The following GNA14 variants were observed in gnomAD, a reference collection of about 807,000 sequenced individuals.
GNA14 encodes the protein guanine nucleotide-binding protein subunit alpha-14.
GNA14 carries 50 observed loss-of-function variants against 42.0 expected under a neutral mutation model. The ratio of observed to expected loss-of-function variants is 1.19; its 90% CI spans 0.95 to 1.51. The LOEUF is 1.51. Ranked by LOEUF, GNA14 falls within the 40% of genes most tolerant of loss-of-function variation. GNA14 has a pLI of 0.00. For synonymous variants in GNA14, 173 were observed against 163.1 expected, an observed-to-expected ratio of 1.06 and a Z score of -0.46; for missense variants, 473 against 446.2, an observed-to-expected ratio of 1.06 and a Z score of -0.54.
chr9:77,428,844 T>G, intron 5 of GNA14, 63 bp downstream of exon 5: 2 of 1,563,982 alleles, frequency 1.3e-6, no homozygotes, highest in South Asian at 1.2e-5. Context: ...CCCGGCTGCC[T>G]TCTTAGAAAC....
intron 2 of GNA14, among the ~76,000 whole-genome samples, chr9:77,471,241 T>C (rs1380005257): frequency 6.6e-6 from 1 of 152,162 alleles, no homozygotes; most frequent in South Asian, 2.1e-4. Context: ...TGCTATGGAA[T>C]CTGGGCTCAA....
intron 1 of GNA14, among the ~76,000 whole-genome samples, chr9:77,568,384 C>T (rs1314851270): frequency 2.6e-5 from 4 of 151,348 alleles, no homozygotes; most frequent in Non-Finnish European, 5.9e-5. Flanking sequence ...CCCAGCTACT[C>T]GGGAGGCTGA....
chr9:77,593,334 C>CTTTTTTTTT (rs59975831), intron 1 of GNA14, among the ~76,000 whole-genome samples: 7,983 of 142,640 alleles, frequency 0.056, 933 homozygotes, highest in African/African-American at 0.2. Flanking sequence ...CCTAACATTC[C>CTTTTTTTTT]TTTTTTTTTT....
intron 1 of GNA14, among the ~76,000 whole-genome samples, chr9:77,551,789 G>A (rs574745749): frequency 1.3e-5 from 2 of 151,936 alleles, no homozygotes; most frequent in South Asian, 4.2e-4. Context: ...TGGCTCATTT[G>A]GTAGAAATCA....
chr9:77,617,249 AG>A (rs1823838127), intron 1 of GNA14, among the ~76,000 whole-genome samples: 1 of 152,126 alleles, frequency 6.6e-6, no homozygotes, highest in Non-Finnish European at 1.5e-5. Flanking sequence ...GTCTAAAAAC[AG>A]AACTGTTTGT....
rs547512787 is a variant in GNA14 at position 77,454,242 on chromosome 9, T to C, written c.310-19720A>G. 1.1e-3 allele frequency among the ~76,000 whole-genome samples: 174 copies of C among 152,314 alleles called. 1 individual carries two copies. Among genetic ancestry groups the C allele is most frequent in the Middle Eastern group, 0.01 (3 of 294 alleles). ...TTTCTTACAAAAGTGACTTCCCCTTTCCTCTAACACTAAGACATAAAGGAG... is the reference window on the plus strand; with the variant it reads ...TTTCTTACAAAAGTGACTTCCCCTTCCCTCTAACACTAAGACATAAAGGAG... On this transcript the variant is annotated intron_variant, in intron 2 of 6. Transcript: ENST00000341700.
chr9:77,561,949 G>C (rs796709695), intron 1 of GNA14, among the ~76,000 whole-genome samples: 5 of 152,194 alleles, frequency 3.3e-5, no homozygotes, highest in African/African-American at 1.2e-4. Flanking sequence ...CTCCTCTTTT[G>C]CTTCACTTCA....
chr9:77,476,762 T>C (rs992100453), intron 2 of GNA14, among the ~76,000 whole-genome samples: 42 of 152,134 alleles, frequency 2.8e-4, no homozygotes, highest in Non-Finnish European at 8.8e-5. Context: ...GATGAGTGAG[T>C]ACATAGCACT....
intron 1 of GNA14, among the ~76,000 whole-genome samples, chr9:77,588,682 T>C (rs1055828810): frequency 3.3e-5 from 5 of 152,198 alleles, no homozygotes; most frequent in African/African-American, 1.2e-4. Flanking sequence ...TTAGCACACA[T>C]AGCATAAAAG....
At position 77,433,512 on chromosome 9, in the gene GNA14, G is replaced by A. The variant is rs560664066; in HGVS notation, c.464+856C>T. On this transcript the variant is annotated intron_variant, in intron 3 of 6. Transcript: ENST00000341700. Reference sequence around the variant, plus strand: ...AGACATCCTCCCGCCTCAGCCTCCCGAGCAGCTGCCCAGCTAATTTTTGTA... The same window carrying A: ...AGACATCCTCCCGCCTCAGCCTCCCAAGCAGCTGCCCAGCTAATTTTTGTA... Among the ~76,000 whole-genome samples the A allele has an allele frequency of 5.9e-5, 9 of 151,760 alleles. No homozygotes were observed. The South Asian group carries it at 6.3e-4, about 11-fold the overall frequency.
chr9:77,459,336 C>T (rs886580012), intron 2 of GNA14, among the ~76,000 whole-genome samples: 23 of 152,302 alleles, frequency 1.5e-4, no homozygotes, highest in Admixed American at 1.1e-3. Flanking sequence ...GATTGTCTTA[C>T]TGTAAGATTG....
chr9:77,487,028 A>T (rs906464489), intron 2 of GNA14, among the ~76,000 whole-genome samples: 56 of 152,200 alleles, frequency 3.7e-4, no homozygotes, highest in African/African-American at 1.3e-3. Flanking sequence ...TAAAAAAAAA[A>T]AAAAGGCAAT....
intron 1 of GNA14, among the ~76,000 whole-genome samples, chr9:77,531,836 G>C (rs1837533319): frequency 6.6e-6 from 1 of 152,142 alleles, no homozygotes; most frequent in Admixed American, 6.5e-5. Context: ...TTTTATTTCA[G>C]ACATGGAGTA....
At chr9:77,606,708 A>G (rs986340335) in intron 1 of GNA14, among the ~76,000 whole-genome samples, 2 of 152,126 alleles carry the variant, frequency 1.3e-5, no homozygotes, top group African/African-American at 4.8e-5. Context: ...TGTGAAAGGA[A>G]AAAAAGGTGT....
At chr9:77,584,112 A>C (rs1823265732) in intron 1 of GNA14, among the ~76,000 whole-genome samples, 1 of 152,216 alleles carries the variant, frequency 6.6e-6, no homozygotes. Flanking sequence ...AGAGCAGTAG[A>C]CAGCAGTGGA....
Position 77,424,041 on chromosome 9 carries a change from CA to C in GNA14, c.1005del (p.Phe335LeufsTer13). On this transcript the variant is annotated frameshift_variant, in exon 7 of 7. Coordinates refer to ENST00000341700, the MANE Select transcript of GNA14 (RefSeq NM_004297.4). LOFTEE classifies it high-confidence loss of function. ...ATTGTGTCTTTGACAGCAGCAAACACAAAGCGAATATTGTCTGTATCTGTAG... is the reference window on the plus strand; with the variant it reads ...ATTGTGTCTTTGACAGCAGCAAACACAAGCGAATATTGTCTGTATCTGTAG... ...TCATDTDNIR[F>X]VFAAVKDTIL... The C allele has an allele frequency of 2.5e-6, 4 of 1,611,000 alleles. No homozygotes were observed. The highest frequency in any genetic ancestry group is 3.4e-6 in the Non-Finnish European group (4 of 1,178,506).
intron 1 of GNA14, among the ~76,000 whole-genome samples, chr9:77,618,603 TATATA>T (rs1564067786): frequency 4.9e-4 from 6 of 12,280 alleles, no homozygotes; most frequent in African/African-American, 1.4e-3. Context: ...TATATATATA[TATATA>T]TATATATATA....
chr9:77,441,672 ATATCTATAAGCTTTGT>A (rs1438234728), intron 2 of GNA14, among the ~76,000 whole-genome samples: 15 of 151,982 alleles, frequency 9.9e-5, no homozygotes, highest in African/African-American at 3.6e-4. Context: ...ATAAGCTTTG[ATATCTATAAGCTTTGT>A]AAAAATCAGT....
Position 77,600,931 on chromosome 9 carries a change from A to G in GNA14, c.124+46739T>C, listed in dbSNP as rs559946908. Among the ~76,000 whole-genome samples the G allele has an allele frequency of 7.2e-5, 11 of 152,326 alleles. No individual in the cohort carries two copies. In the South Asian group the frequency reaches 2.3e-3, roughly 32 times the overall value. On this transcript the variant is annotated intron_variant, in intron 1 of 6. Transcript: ENST00000341700. ...TGAAACTCCATCTCAAAAACAAAACAAAGCAATAAACAGATTAGGAGTGAA... is the reference window on the plus strand; with the variant it reads ...TGAAACTCCATCTCAAAAACAAAACGAAGCAATAAACAGATTAGGAGTGAA...
Sources: gnomAD v4.1 joint callset for allele counts (sites outside exome capture counted in the v4.1 genomes callset) on GRCh38, gnomAD v4.1.1 for gene constraint, MANE v1.5 for transcripts, NCBI Gene and HGNC (gene_info 2026-07-23, HGNC 2026-07-21) for gene names.